STARD8: variants seen among roughly 807,000 people sequenced by gnomAD.
STARD8 encodes the protein StAR related lipid transfer domain containing 8.
STARD8 carries 25 observed loss-of-function variants against 69.4 expected under a neutral mutation model. The ratio of observed to expected loss-of-function variants is 0.36; its 90% CI spans 0.26 to 0.50. The LOEUF (loss-of-function observed/expected upper bound fraction) is 0.50. Among genes scored for constraint, STARD8 ranks in the 20% least tolerant of loss-of-function variants. The pLI, the probability that STARD8 is intolerant of heterozygous loss-of-function variation, is 0.96. For missense variants in STARD8, 921 were observed against 932.5 expected, an observed-to-expected ratio of 0.99 and a Z score of 0.16; for synonymous variants, 389 against 374.6, an observed-to-expected ratio of 1.04 and a Z score of -0.45.
chrX:68,690,059 T>G (rs2147900735), intron 2 of STARD8, among the ~76,000 whole-genome samples: 1 of 110,420 alleles, frequency 9.1e-6, no homozygotes, highest in African/African-American at 3.3e-5. Context: ...GACTATCCTC[T>G]GTTTTGGGAC....
At chrX:68,662,779 A>C (rs1478591001) in intron 1 of STARD8, among the ~76,000 whole-genome samples, 1 of 111,893 alleles carries the variant, frequency 8.9e-6, no homozygotes, top group African/African-American at 3.2e-5. Flanking sequence ...CACTCCCAGC[A>C]ACAAATTACT....
intron 2 of STARD8, among the ~76,000 whole-genome samples, chrX:68,690,870 CA>C (rs1251055220): frequency 1.8e-5 from 2 of 112,180 alleles, no homozygotes; most frequent in African/African-American, 6.5e-5. Flanking sequence ...TGCCAGCCAT[CA>C]CTCTTAAGTG....
chrX:68,653,131 AC>A (rs2079574267), intron 1 of STARD8, among the ~76,000 whole-genome samples: 2 of 45,388 alleles, frequency 4.4e-5, no homozygotes, highest in Non-Finnish European at 8.4e-5. Context: ...CCACACACAC[AC>A]CACACACCAC....
chrX:68,662,949 T>G (rs2147878503), intron 1 of STARD8, among the ~76,000 whole-genome samples: 1 of 112,112 alleles, frequency 8.9e-6, no homozygotes, highest in South Asian at 3.8e-4. Context: ...AGCACAGGAC[T>G]TAGCTCTGAG....
intron 2 of STARD8, among the ~76,000 whole-genome samples, chrX:68,707,102 T>C (rs188153041): frequency 3.5e-5 from 4 of 112,692 alleles, no homozygotes; most frequent in African/African-American, 9.7e-5. Context: ...CCTCCTGCAC[T>C]CACTGAAGGT....
At position 68,725,649 on chromosome X, in the gene STARD8, CACAT is replaced by C. The variant is rs1427420023; in HGVS notation, c.*1233_*1236del. The C allele has an allele frequency of 2.9e-5, 3 of 102,204 alleles. No individual in the cohort carries two copies. Among genetic ancestry groups the C allele is most frequent in the African/African-American group, 7.3e-5 (2 of 27,563 alleles). 8.4% of individuals were successfully genotyped at this position (102,204 alleles called of 1,213,427 possible). A position where few individuals can be genotyped will look rare whatever the true frequency, so the allele number is the denominator to read the frequency against. The stretch of plus-strand genomic sequence containing the variant: ...ACATATATATGTGTGTATATATATA[CACAT>C]ACATATATATACACACACGCATTTG... On this transcript the variant is annotated 3_prime_UTR_variant, in exon 15 of 15. Coordinates refer to ENST00000374599, the MANE Select transcript of STARD8 (RefSeq NM_001142503.3).
At chrX:68,666,235 G>T (rs2079682412) in intron 2 of STARD8, among the ~76,000 whole-genome samples, 1 of 111,837 alleles carries the variant, frequency 8.9e-6, no homozygotes, top group Non-Finnish European at 1.9e-5. Context: ...GGAAGAGTTT[G>T]GTGCTGGAGC....
chrX:68,670,230 T>C, intron 2 of STARD8, among the ~76,000 whole-genome samples: 1 of 112,176 alleles, frequency 8.9e-6, no homozygotes, highest in Non-Finnish European at 1.9e-5. Context: ...TTCTGCGACC[T>C]TGAGTTAGTC....
At position 68,719,379 on chromosome X, in the gene STARD8, C is replaced by T. The variant is rs2080127631; in HGVS notation, c.1870C>T (p.His624Tyr). 2.5e-6 allele frequency: 3 copies of T among 1,184,641 alleles called. No individual in the cohort carries two copies. Among genetic ancestry groups the T allele is most frequent in the African/African-American group, 1.8e-5 (1 of 56,841 alleles). ...TAFMEKYTVP[H>Y]KQGWVWSMPK... is the part of the protein sequence containing the mutation. Reference sequence around the variant, plus strand: ...GTTCATGGAGAAGTACACTGTGCCCCACAAGCAGGGCTGGGTCTGGTGAGT... The same window carrying T: ...GTTCATGGAGAAGTACACTGTGCCCTACAAGCAGGGCTGGGTCTGGTGAGT... Residue 624 changes from histidine to tyrosine, a missense_variant, in exon 7 of 15, where the codon CAC becomes TAC. Physicochemically the swap from His to Tyr is moderately conservative, Grantham distance 83. Transcript: ENST00000374599.
At chrX:68,702,003 C>T (rs936369044) in intron 2 of STARD8, among the ~76,000 whole-genome samples, 19 of 111,539 alleles carry the variant, frequency 1.7e-4, no homozygotes, top group African/African-American at 6.2e-4. Context: ...AAGCTTCCTT[C>T]CCTCAGGCTG....
intron 2 of STARD8, among the ~76,000 whole-genome samples, chrX:68,693,482 C>T (rs925086532): frequency 8.9e-6 from 1 of 112,574 alleles, no homozygotes; most frequent in Non-Finnish European, 1.9e-5. Context: ...GGAAAGGCAG[C>T]GGCGAGGGCC....
intron 2 of STARD8, among the ~76,000 whole-genome samples, chrX:68,683,254 T>A (rs1040954779): frequency 2.7e-5 from 3 of 112,426 alleles, no homozygotes; most frequent in African/African-American, 9.7e-5. Context: ...AGAGGCAGTA[T>A]GTACAGTGGT....
intron 2 of STARD8, among the ~76,000 whole-genome samples, chrX:68,675,285 C>T (rs1168668772): frequency 1.8e-5 from 2 of 109,969 alleles, no homozygotes; most frequent in African/African-American, 3.3e-5. Flanking sequence ...GTAGAGACAG[C>T]GTTTTGCCAT....
At chrX:68,704,067 C>T (rs748286290) in intron 2 of STARD8, among the ~76,000 whole-genome samples, 7 of 111,612 alleles carry the variant, frequency 6.3e-5, no homozygotes, top group Non-Finnish European at 9.4e-5. Flanking sequence ...CTGTGTGTTG[C>T]CAGAACATTC....
At chrX:68,715,477 G>T in intron 4 of STARD8, 102 bp downstream of exon 4, 1 of 686,277 alleles carries the variant, frequency 1.5e-6, no homozygotes, top group Middle Eastern at 3.8e-4. Context: ...GAGGAGCCCA[G>T]CTTACTAACA....
chrX:68,698,479 C>T (rs2079940033), intron 2 of STARD8, among the ~76,000 whole-genome samples: 2 of 111,177 alleles, frequency 1.8e-5, no homozygotes, highest in African/African-American at 6.6e-5. Flanking sequence ...GGACAGCCAA[C>T]CACATGATTG....
intron 1 of STARD8, among the ~76,000 whole-genome samples, chrX:68,652,851 A>C (rs1209667898): frequency 2.8e-4 from 1 of 3,544 alleles, no homozygotes; most frequent in African/African-American, 1.1e-3. Flanking sequence ...ACCCCCACAC[A>C]CCACACCACA....
Position 68,711,222 on chromosome X carries a change from G to GCACACACACACACA in STARD8, c.80-1678_80-1665dup, listed in dbSNP as rs60571538. 5.6e-4 allele frequency among the ~76,000 whole-genome samples: 57 copies of GCACACACACACACA among 101,844 alleles called. 1 individual carries two copies. Among genetic ancestry groups the GCACACACACACACA allele is most frequent in the African/African-American group, 2.1e-3 (57 of 27,508 alleles). The allele number at this position is 101,844 out of a possible 115,157, so 88.4% of individuals were successfully genotyped here. A position where few individuals can be genotyped will look rare whatever the true frequency, so the allele number is the denominator to read the frequency against. On this transcript the variant is annotated intron_variant, in intron 2 of 14. Coordinates refer to ENST00000374599, the MANE Select transcript of STARD8 (RefSeq NM_001142503.3). ...TAACATAAAACATACATGTATGCAT[G>GCACACACACACACA]CACACACACACACACACACACACAC...
Position 68,723,635 on chromosome X carries a change from G to A in STARD8, c.2809G>A (p.Gly937Arg), listed in dbSNP as rs1253652288. The change falls in exon 13 of 15, where the codon GGG becomes AGG. Residue 937 changes from glycine (G) to arginine (R), a missense_variant. Gly to Arg is a moderately radical substitution (Grantham distance 125, BLOSUM62 -2). Coordinates refer to ENST00000374599, the MANE Select transcript of STARD8 (RefSeq NM_001142503.3). Reference sequence around the variant, plus strand: ...CTCCTGTGGCTCACAGGCACCGGATGGGCACCCCCTGCGGCTATGGAAGGC... The same window carrying A: ...CTCCTGTGGCTCACAGGCACCGGATAGGCACCCCCTGCGGCTATGGAAGGC... The part of the protein sequence containing the change: ...TELACRKAPD[G>R]HPLRLWKAST... The A allele has an allele frequency of 2.5e-6, 3 of 1,191,663 alleles. No homozygotes were observed. The highest frequency in any genetic ancestry group is 3.7e-5 in the South Asian group (2 of 54,152).
Sources: allele counts gnomAD v4.1 joint callset (sites outside exome capture counted in the v4.1 genomes callset), GRCh38; gene constraint gnomAD v4.1.1; transcripts MANE v1.5; gene names NCBI Gene and HGNC (gene_info 2026-07-23, HGNC 2026-07-21).